ZNF324B: variants seen among roughly 807,000 people sequenced by gnomAD.
The protein encoded by ZNF324B is zinc finger protein 324B.
Under a neutral mutation model 10.6 loss-of-function variants are expected in ZNF324B, and 7 were observed. The observed-to-expected ratio is 0.66, with a 90% CI of 0.38 to 1.24. ZNF324B has a LOEUF of 1.24. Among genes scored for constraint, ZNF324B ranks in the 50% most tolerant of loss-of-function variants. ZNF324B has a pLI of 0.02. For synonymous variants in ZNF324B, 316 were observed against 321.0 expected (o/e 0.98, Z 0.17); for missense variants, 640 against 764.7 (o/e 0.84, Z 1.92).
chr19:58,433,519 A>G, the ZNF324B span: 180 of 1,614,076 alleles, frequency 1.1e-4, no homozygotes, highest in Non-Finnish European at 1.0e-4. Context: ...ATGACGAACC[A>G]GGTGGGAGTT....
chr19:58,418,879 G>C, the ZNF324B span: 1 of 152,184 alleles, frequency 6.6e-6, no homozygotes, highest in South Asian at 2.1e-4. Flanking sequence ...CAAAGTGCTG[G>C]TATTATAGTT....
the ZNF324B span, chr19:58,441,031 T>C: frequency 4.6e-5 from 7 of 152,516 alleles, no homozygotes; most frequent in Non-Finnish European, 1.0e-4. Context: ...AGAATCCAGT[T>C]TGTTGAGACG....
At chr19:58,447,567 A>G (rs1436125194), upstream of ZNF324B, among the ~76,000 whole-genome samples, 1 of 152,248 alleles carries the variant, frequency 6.6e-6, no homozygotes, top group African/African-American at 2.4e-5. Context: ...AAACGTCTCC[A>G]AACATTAAAC....
At chr19:58,423,499 C>G in the ZNF324B span, among the ~76,000 whole-genome samples, 2 of 152,294 alleles carry the variant, frequency 1.3e-5, no homozygotes, top group East Asian at 3.9e-4. Context: ...CTGCCCAAAG[C>G]AAGCTACAGA....
At chr19:58,438,472 A>ATTTTT in the ZNF324B span, among the ~76,000 whole-genome samples, 1 of 129,824 alleles carries the variant, frequency 7.7e-6, no homozygotes, top group African/African-American at 3.0e-5. Flanking sequence ...TCTAAGGTCA[A>ATTTTT]TTTTTTTTTT....
rs760607985 is a variant in ZNF324B at position 58,455,213 on chromosome 19, T to C, written c.269T>C (p.Val90Ala). The change falls in exon 4 of 4, where the codon GTT becomes GCT. Residue 90 changes from valine to alanine, a missense_variant. Val to Ala is a moderately conservative substitution (Grantham distance 64, BLOSUM62 0). This residue lies in a region of ZNF324B where 345 missense variants were observed against 387.9 expected (regional missense o/e 0.89). Coordinates refer to ENST00000336614, the MANE Select transcript of ZNF324B (RefSeq NM_207395.3). This position sits in a 1 kb window ranked among gnomAD's most constrained non-coding sequence, Gnocchi z 7.0. ...TGGAGTTTGACAGAGGATAGAGATGTTTCTGGAGAATGGCCACGAGCTTTC... is the reference window on the plus strand; with the variant it reads ...TGGAGTTTGACAGAGGATAGAGATGCTTCTGGAGAATGGCCACGAGCTTTC... Reference protein sequence around the residue: ...GSWSLTEDRDVSGEWPRAFPD... With the variant: ...GSWSLTEDRDASGEWPRAFPD... 3 of 1,614,162 alleles carry C rather than the reference T, an allele frequency of 1.9e-6. No individual in the cohort carries two copies. The South Asian group carries it at 3.3e-5, about 18-fold the overall frequency.
the ZNF324B span, among the ~76,000 whole-genome samples, chr19:58,427,361 T>TCTTTCTTTCTCTTTC: frequency 6.9e-4 from 37 of 53,538 alleles, 1 homozygote; most frequent in East Asian, 0.011. Flanking sequence ...TTTCTTTCTT[T>TCTTTCTTTCTCTTTC]CTTTCTTTCT....
the ZNF324B span, chr19:58,432,344 G>A: frequency 1.9e-6 from 1 of 516,498 alleles, no homozygotes; most frequent in African/African-American, 1.9e-5. Context: ...ACAAAGGTCT[G>A]TAGCTCTGGA....
chr19:58,439,322 G>A, the ZNF324B span, among the ~76,000 whole-genome samples: 3 of 152,160 alleles, frequency 2.0e-5, no homozygotes, highest in Non-Finnish European at 2.9e-5. Context: ...TGGAGTCAGA[G>A]CACCTACTTC....
At chr19:58,435,038 G>C in the ZNF324B span, 1 of 1,614,140 alleles carries the variant, frequency 6.2e-7, no homozygotes, top group Admixed American at 1.7e-5. Flanking sequence ...TCCTCAGACT[G>C]TGTTCCCTGA....
the ZNF324B span, chr19:58,430,306 TAA>T: frequency 6.6e-6 from 1 of 152,290 alleles, no homozygotes; most frequent in East Asian, 1.9e-4. Flanking sequence ...TGAGAAACCC[TAA>T]AGAGGAGTCA....
the ZNF324B span, among the ~76,000 whole-genome samples, chr19:58,427,242 T>C: frequency 6.6e-6 from 1 of 152,008 alleles, no homozygotes; most frequent in African/African-American, 2.4e-5. Context: ...GCAATTCTCC[T>C]GCCTCCTGAG....
the ZNF324B span, chr19:58,434,909 G>A: frequency 2.7e-5 from 44 of 1,614,156 alleles, no homozygotes; most frequent in African/African-American, 5.1e-4. Context: ...CTCTTCATAA[G>A]TGCGTCCCTG....
chr19:58,453,741 G>T lies in ZNF324B; in HGVS notation c.40G>T (p.Glu14Ter). 6.2e-7 allele frequency: 1 copy of T among 1,614,190 alleles called. No individual in the cohort carries two copies. The highest frequency in any genetic ancestry group is 8.5e-7 in the Non-Finnish European group (1 of 1,180,004). Residue 14 changes from glutamate to a stop codon, truncating the protein, a stop_gained, in exon 2 of 4, where the codon GAG becomes TAG. Transcript: ENST00000336614. LOFTEE classifies it high-confidence loss of function. ...EDVAVYFSQEEWGLLDTAQRA... is the reference protein window; with the variant it reads ...EDVAVYFSQE ...TGTGGCCGTGTACTTCTCCCAGGAG[G>T]AGTGGGGGCTCCTGGACACAGCGCA...
the ZNF324B span, chr19:58,430,701 A>T: frequency 1.3e-5 from 2 of 152,242 alleles, no homozygotes; most frequent in Non-Finnish European, 2.9e-5. Flanking sequence ...TTTTGGTTAT[A>T]GATAAGAATC....
rs779314011 is a variant in ZNF324B, at chr19:58,456,185, T to A, written c.1241T>A (p.Leu414Ter). The change falls in exon 4 of 4, where the codon TTG becomes TAG. Residue 414 changes from leucine (L) to a stop codon, truncating the protein, a stop_gained. Transcript: ENST00000336614. LOFTEE classifies it low-confidence loss of function (END_TRUNC). The surrounding 1 kb of genome is among the most constrained non-coding windows in gnomAD (Gnocchi z 4.7). ...TTCAGCCAGGGCTCCTCGCTCTTTT[T>A]GCACCAGCGCGTGCACACAGGCGAG... The part of the protein sequence containing the change: ...AAFSQGSSLF[L>*]HQRVHTGEKP... 1.4e-4 allele frequency: 222 copies of A among 1,612,630 alleles called. No homozygotes were observed. Among genetic ancestry groups the A allele is most frequent in the Non-Finnish European group, 1.7e-4 (198 of 1,179,570 alleles).
chr19:58,437,050 G>A, the ZNF324B span: 74 of 1,614,046 alleles, frequency 4.6e-5, no homozygotes, highest in Non-Finnish European at 6.2e-5. Context: ...GCATTACCAA[G>A]TGAGGTCACA....
At chr19:58,430,723 G>C in the ZNF324B span, 1 of 152,204 alleles carries the variant, frequency 6.6e-6, no homozygotes, top group African/African-American at 2.4e-5. Flanking sequence ...ATTTCTTCTT[G>C]AGGGTCTTTC....
the ZNF324B span, among the ~76,000 whole-genome samples, chr19:58,426,204 G>A: frequency 1.3e-5 from 2 of 152,196 alleles, no homozygotes; most frequent in Non-Finnish European, 2.9e-5. Flanking sequence ...TGGGGGTAGA[G>A]GATCTGGGTT....
Sources: allele counts gnomAD v4.1 joint callset (sites outside exome capture counted in the v4.1 genomes callset), GRCh38; gene constraint gnomAD v4.1.1; regional missense constraint gnomAD v4.1.1; non-coding constraint Gnocchi (gnomAD v3.1); transcripts MANE v1.5; gene names NCBI Gene and HGNC (gene_info 2026-07-23, HGNC 2026-07-21).